The following SPATS2 variants were observed in gnomAD, a reference collection of about 807,000 sequenced individuals.
SPATS2 encodes spermatogenesis-associated serine-rich protein 2.
A neutral mutation model predicts 63.7 loss-of-function variants in SPATS2; 38 were observed. The ratio of observed to expected loss-of-function variants is 0.60; its 90% confidence interval spans 0.46 to 0.78. SPATS2 has a LOEUF of 0.78. Among genes scored for constraint, SPATS2 ranks in the 30% least tolerant of loss-of-function variants. SPATS2 has a pLI of 0.00. For synonymous variants in SPATS2, 207 were observed against 232.9 expected (o/e 0.89, Z 1.01); for missense variants, 588 against 666.2 (o/e 0.88, Z 1.29).
intron 6 of SPATS2, among the ~76,000 whole-genome samples, chr12:49,493,446 G>T (rs573837924): frequency 1.9e-4 from 28 of 149,792 alleles, no homozygotes; most frequent in South Asian, 2.1e-4. Flanking sequence ...CTGTTGCCCA[G>T]GCTGGAGTGC....
At chr12:49,487,997 C>T (rs1946322911) in intron 4 of SPATS2, among the ~76,000 whole-genome samples, 1 of 152,068 alleles carries the variant, frequency 6.6e-6, no homozygotes, top group South Asian at 2.1e-4. Flanking sequence ...ATTTCCCTTA[C>T]TTCTTATGTT....
intron 3 of SPATS2, among the ~76,000 whole-genome samples, chr12:49,484,345 C>CT (rs1234887593): frequency 6.6e-6 from 1 of 152,136 alleles, no homozygotes; most frequent in Non-Finnish European, 1.5e-5. Context: ...ACAGGACAGT[C>CT]TAATATGGTT....
intron 2 of SPATS2, among the ~76,000 whole-genome samples, chr12:49,400,935 G>T (rs1944594216): frequency 6.6e-6 from 1 of 152,122 alleles, no homozygotes; most frequent in South Asian, 2.1e-4. Context: ...GAGTGCCGTG[G>T]TGCATAGCTC....
chr12:49,495,042 T>C, intron 7 of SPATS2, 40 bp downstream of exon 7: 6 of 1,497,856 alleles, frequency 4.0e-6, no homozygotes, highest in Non-Finnish European at 5.4e-6. Context: ...TGCATTCAGT[T>C]GAAAAACAGG....
At chr12:49,494,654 C>G in intron 6 of SPATS2, 87 bp from the exon 7 acceptor site, 4 of 1,324,180 alleles carry the variant, frequency 3.0e-6, no homozygotes, top group Admixed American at 3.1e-5. Context: ...ACATTGGTTA[C>G]CTTTGGGTAG....
At chr12:49,493,984 TC>T (rs1946425657) in intron 6 of SPATS2, among the ~76,000 whole-genome samples, 1 of 152,228 alleles carries the variant, frequency 6.6e-6, no homozygotes, top group Non-Finnish European at 1.5e-5. Flanking sequence ...CGCCTATTGA[TC>T]AACATTTGGG....
intron 6 of SPATS2, chr12:49,491,029 A>C: frequency 4.5e-6 from 1 of 221,812 alleles, no homozygotes; most frequent in Non-Finnish European, 8.9e-6. Context: ...CTGTAATCCC[A>C]GTTACTCAGG....
intron 2 of SPATS2, among the ~76,000 whole-genome samples, chr12:49,444,526 G>A (rs1158123069): frequency 2.6e-5 from 4 of 151,578 alleles, no homozygotes; most frequent in Non-Finnish European, 2.9e-5. Flanking sequence ...GCCTTAATTC[G>A]TGATGCTATT....
chr12:49,489,898 C>T (rs559024572), intron 5 of SPATS2, among the ~76,000 whole-genome samples: 1 of 152,308 alleles, frequency 6.6e-6, no homozygotes, highest in Admixed American at 6.5e-5. Context: ...AATAACAAAG[C>T]AGTGATTCAG....
chr12:49,453,121 T>G (rs1945653900), intron 2 of SPATS2, among the ~76,000 whole-genome samples: 1 of 146,554 alleles, frequency 6.8e-6, no homozygotes. Flanking sequence ...ATTGCGCCAC[T>G]GCACTCCCAC....
intron 4 of SPATS2, 110 bp from the exon 5 acceptor site, chr12:49,489,355 T>C (rs1946347011): frequency 1.4e-6 from 1 of 725,602 alleles, no homozygotes; most frequent in Non-Finnish European, 2.3e-6. Context: ...TAAAGAGTGA[T>C]ACATATTGTT....
chr12:49,366,906 A>C (rs1290128813), upstream of SPATS2: 3 of 150,694 alleles, frequency 2.0e-5, no homozygotes, highest in African/African-American at 7.3e-5. Context: ...CGGGTCCCTA[A>C]CCGATGCCGC....
At chr12:49,486,586 T>G (rs1271583525) in intron 4 of SPATS2, among the ~76,000 whole-genome samples, 1 of 152,196 alleles carries the variant, frequency 6.6e-6, no homozygotes, top group Non-Finnish European at 1.5e-5. Flanking sequence ...AAAAATGTAT[T>G]AACCTTCGTT....
Position 49,427,362 on chromosome 12 carries a change from T to C in SPATS2, c.-243-33408T>C, listed in dbSNP as rs530942961. Among the ~76,000 whole-genome samples, 36 of 152,370 alleles carry C rather than the reference T, an allele frequency of 2.4e-4. 1 individual carries two copies. Among genetic ancestry groups the C allele is most frequent in the African/African-American group, 7.5e-4 (31 of 41,604 alleles). On this transcript the variant is annotated intron_variant, in intron 2 of 13. Coordinates refer to ENST00000552918, the MANE Select transcript of SPATS2 (RefSeq NM_023071.4). ...ATATTGCTAAGATTAATCCATATCA[T>C]TGCATATAGTTGACACATTTTTGCA...
At chr12:49,430,099 GTTTTTTTTT>G (rs536889902) in intron 2 of SPATS2, among the ~76,000 whole-genome samples, 1 of 98,468 alleles carries the variant, frequency 1.0e-5, no homozygotes, top group African/African-American at 4.2e-5. Context: ...CATATTTCTT[GTTTTTTTTT>G]TTTTTTTTTT....
intron 2 of SPATS2, among the ~76,000 whole-genome samples, chr12:49,429,086 C>T (rs1429239596): frequency 6.6e-6 from 1 of 152,168 alleles, no homozygotes; most frequent in Non-Finnish European, 1.5e-5. Context: ...TGAGCTCCCT[C>T]TACTCCCACA....
At chr12:49,428,026 T>C (rs113396530) in intron 2 of SPATS2, among the ~76,000 whole-genome samples, 13,917 of 151,614 alleles carry the variant, frequency 0.092, 755 homozygotes, top group African/African-American at 0.14. Flanking sequence ...GAGGCCGAGG[T>C]GGGCGGATCA....
intron 9 of SPATS2, among the ~76,000 whole-genome samples, chr12:49,508,238 C>T (rs567464472): frequency 3.3e-5 from 5 of 151,918 alleles, no homozygotes; most frequent in African/African-American, 9.7e-5. Flanking sequence ...GACTGAGTCT[C>T]GTTCTGTCTC....
intron 10 of SPATS2, among the ~76,000 whole-genome samples, chr12:49,516,159 AAAAAAAAATATATATAT>A (rs1946839889): frequency 1.3e-4 from 4 of 31,448 alleles, no homozygotes; most frequent in South Asian, 1.2e-3. Context: ...AAAAAAAAAA[AAAAAAAAATATATATAT>A]ATATATATAT....
Sources: gnomAD v4.1 joint callset for allele counts (sites outside exome capture counted in the v4.1 genomes callset) on GRCh38, gnomAD v4.1.1 for gene constraint, MANE v1.5 for transcripts, NCBI Gene and HGNC (gene_info 2026-07-23, HGNC 2026-07-21) for gene names.